The following FAT4 variants were observed in gnomAD, a reference collection of about 807,000 sequenced individuals.
FAT4 encodes the protein protocadherin Fat 4.
Under a neutral mutation model 303.9 loss-of-function variants are expected in FAT4, and 84 were observed. The ratio of observed to expected loss-of-function variants is 0.28; its 90% confidence interval spans 0.23 to 0.33. The LOEUF is 0.33. Ranked by LOEUF, FAT4 falls within the 10% of genes least tolerant of loss-of-function variation. FAT4 has a pLI of 1.00. For missense variants in FAT4, 6,005 were observed against 6,146.8 expected, an observed-to-expected ratio of 0.98 and a Z score of 0.77; for synonymous variants, 2,307 against 2,298.8, an observed-to-expected ratio of 1.00 and a Z score of -0.10.
In FAT4 at chr4:125,491,424, C is replaced by T. The variant is rs1324873418; in HGVS notation, c.14608C>T (p.Pro4870Ser). Residue 4870 changes from proline to serine, a missense_variant, in exon 18 of 18, where the codon CCC (proline) becomes TCC (serine). Pro to Ser is a moderately conservative substitution (Grantham distance 74). Transcript: ENST00000394329. ...EKPMVYTSRM[P>S]KLSQVNESDA... is the part of the protein sequence containing the mutation. The stretch of plus-strand genomic sequence containing the variant: ...GCCAATGGTATATACTTCCAGAATG[C>T]CCAAATTATCTCAAGTCAATGAATC... 6.2e-6 allele frequency: 10 copies of T among 1,614,074 alleles called. No homozygotes were observed. Among genetic ancestry groups the T allele is most frequent in the Non-Finnish European group, 8.5e-6 (10 of 1,179,980 alleles).
chr4:125,322,842 A>G (rs1420637486), intron 2 of FAT4, among the ~76,000 whole-genome samples: 1 of 152,006 alleles, frequency 6.6e-6, no homozygotes, highest in Non-Finnish European at 1.5e-5. Flanking sequence ...AATTAGAGAT[A>G]TAATTCTAAG....
chr4:125,430,025 G>T (rs563726430), intron 7 of FAT4, among the ~76,000 whole-genome samples: 25 of 152,280 alleles, frequency 1.6e-4, no homozygotes, highest in African/African-American at 4.6e-4. Flanking sequence ...GTGGGATGAG[G>T]GGGGAGGGAA....
rs779123690 is a variant in FAT4 at position 125,319,655 on chromosome 4, G to T, written c.3244G>T (p.Ala1082Ser). ...ASDRAVEPLS[A>S]TVNVTVILED... Reference sequence around the variant, plus strand: ...TGACAGAGCAGTGGAACCCCTTAGTGCTACTGTGAATGTTACTGTAATTTT... The same window carrying T: ...TGACAGAGCAGTGGAACCCCTTAGTTCTACTGTGAATGTTACTGTAATTTT... Residue 1082 changes from alanine (A) to serine (S), a missense_variant, in exon 2 of 18, where the codon GCT becomes TCT. Ala to Ser is a moderately conservative substitution (Grantham distance 99, BLOSUM62 1). Coordinates refer to ENST00000394329, the MANE Select transcript of FAT4 (RefSeq NM_001291303.3). 2 of 1,613,910 alleles carry T rather than the reference G, an allele frequency of 1.2e-6. No individual in the cohort carries two copies. The highest frequency in any genetic ancestry group is 1.3e-5 in the African/African-American group (1 of 74,916).
At chr4:125,339,103 T>A (rs548661582) in intron 2 of FAT4, among the ~76,000 whole-genome samples, 7 of 152,296 alleles carry the variant, frequency 4.6e-5, no homozygotes, top group African/African-American at 1.7e-4. Context: ...TTGTATTTGA[T>A]GACATATTTT....
intron 8 of FAT4, chr4:125,446,027 T>C (rs1177505098): frequency 3.7e-6 from 1 of 270,708 alleles, no homozygotes; most frequent in Non-Finnish European, 7.0e-6. Flanking sequence ...GTTTGTTTGG[T>C]GGCCTTGCAC....
chr4:125,387,366 T>C (rs1733794971), intron 2 of FAT4, among the ~76,000 whole-genome samples: 1 of 152,230 alleles, frequency 6.6e-6, no homozygotes, highest in Admixed American at 6.5e-5. Context: ...AAGTCTCGTG[T>C]AGGTTCTAGA....
intron 2 of FAT4, among the ~76,000 whole-genome samples, chr4:125,340,193 A>T (rs1731729361): frequency 6.6e-6 from 1 of 152,126 alleles, no homozygotes; most frequent in African/African-American, 2.4e-5. Flanking sequence ...AAAATATTTA[A>T]TTTTATATGT....
At chr4:125,395,117 A>T (rs1402589209) in intron 2 of FAT4, among the ~76,000 whole-genome samples, 1 of 152,114 alleles carries the variant, frequency 6.6e-6, no homozygotes, top group Non-Finnish European at 1.5e-5. Flanking sequence ...GCAGGATAAC[A>T]CTTATCTATG....
At chr4:125,488,337 G>A (rs1727484445) in intron 17 of FAT4, among the ~76,000 whole-genome samples, 1 of 152,136 alleles carries the variant, frequency 6.6e-6, no homozygotes, top group African/African-American at 2.4e-5. Context: ...GGAAGTAATT[G>A]AAAACTTTAA....
At chr4:125,401,850 T>C (rs1237338659) in intron 3 of FAT4, among the ~76,000 whole-genome samples, 1 of 151,956 alleles carries the variant, frequency 6.6e-6, no homozygotes, top group Non-Finnish European at 1.5e-5. Flanking sequence ...AATTTATAGC[T>C]ATTTACTTTT....
chr4:125,420,182 A>G (rs1162838949), intron 7 of FAT4, among the ~76,000 whole-genome samples: 1 of 152,124 alleles, frequency 6.6e-6, no homozygotes, highest in Non-Finnish European at 1.5e-5. Context: ...TGATTTCTTA[A>G]CACAAATTCC....
chr4:125,410,141 A>G (rs4834031), intron 5 of FAT4, among the ~76,000 whole-genome samples: 147,405 of 152,236 alleles, frequency 0.97, 71,521 homozygotes, highest in East Asian at 1. Context: ...CTTTCTTTAG[A>G]ATTCATTGAG....
chr4:125,351,615 A>G (rs1732228510), intron 2 of FAT4, among the ~76,000 whole-genome samples: 1 of 151,764 alleles, frequency 6.6e-6, no homozygotes, highest in South Asian at 2.1e-4. Context: ...TAAGCTTTTT[A>G]GCTGTTTCAT....
chr4:125,448,913 C>G lies in FAT4; in HGVS notation c.7903C>G (p.Gln2635Glu), dbSNP rs140845384. The part of the protein sequence containing the change: ...ISQPLDFEKI[Q>E]KYVVWIEARD... ...TCAACCTCTGGATTTTGAAAAGATACAAAAATATGTTGTATGGATAGAGGC... is the reference window on the plus strand; with the variant it reads ...TCAACCTCTGGATTTTGAAAAGATAGAAAAATATGTTGTATGGATAGAGGC... Residue 2635 changes from glutamine to glutamate, a missense_variant, in exon 10 of 18, where the codon CAA becomes GAA. Transcript: ENST00000394329. 1.9e-6 allele frequency: 3 copies of G among 1,612,242 alleles called. No homozygotes were observed. The highest frequency in any genetic ancestry group is 2.5e-6 in the Non-Finnish European group (3 of 1,179,604).
intron 2 of FAT4, among the ~76,000 whole-genome samples, chr4:125,380,101 C>T (rs1733484533): frequency 6.6e-6 from 1 of 151,956 alleles, no homozygotes; most frequent in Non-Finnish European, 1.5e-5. Flanking sequence ...CCATGTTGGT[C>T]AGGATGGTCT....
chr4:125,325,601 C>A (rs375145161), intron 2 of FAT4, among the ~76,000 whole-genome samples: 1 of 152,162 alleles, frequency 6.6e-6, no homozygotes, highest in African/African-American at 2.4e-5. Flanking sequence ...TTTGAGAAAA[C>A]CACAATACCT....
rs948169880 is a variant in FAT4, at chr4:125,490,008, A to T, written c.13192A>T (p.Ile4398Phe). The T allele has an allele frequency of 1.2e-5, 20 of 1,613,806 alleles. No individual in the cohort carries two copies. The highest frequency in any genetic ancestry group is 1.0e-5 in the Non-Finnish European group (12 of 1,179,980). ...SISKTDPSVKIGCRGPNICAS... is the reference protein window; with the variant it reads ...SISKTDPSVKFGCRGPNICAS... ...CTCAAAAACAGATCCCTCAGTGAAGATTGGCTGCCGTGGCCCGAACATTTG... is the reference window on the plus strand; with the variant it reads ...CTCAAAAACAGATCCCTCAGTGAAGTTTGGCTGCCGTGGCCCGAACATTTG... Residue 4398 changes from isoleucine to phenylalanine, a missense_variant, in exon 18 of 18, where the codon ATT (isoleucine) becomes TTT (phenylalanine). Coordinates refer to ENST00000394329, the MANE Select transcript of FAT4 (RefSeq NM_001291303.3).
intron 2 of FAT4, among the ~76,000 whole-genome samples, chr4:125,326,548 C>T (rs564267532): frequency 7.9e-5 from 12 of 152,112 alleles, no homozygotes; most frequent in Middle Eastern, 3.4e-3. Flanking sequence ...GTTAATAAGT[C>T]GCTTAAGTTC....
At chr4:125,337,213 T>A (rs2125964129) in intron 2 of FAT4, among the ~76,000 whole-genome samples, 1 of 152,196 alleles carries the variant, frequency 6.6e-6, no homozygotes, top group Non-Finnish European at 1.5e-5. Flanking sequence ...GATCTTTCTT[T>A]TTTGTTTGGA....
Sources: allele counts gnomAD v4.1 joint callset (sites outside exome capture counted in the v4.1 genomes callset), GRCh38; gene constraint gnomAD v4.1.1; transcripts MANE v1.5; gene names NCBI Gene and HGNC (gene_info 2026-07-23, HGNC 2026-07-21).